RPS6KA2: variants seen among roughly 807,000 people sequenced by gnomAD.
RPS6KA2 encodes ribosomal protein S6 kinase alpha-2.
In RPS6KA2, 42 loss-of-function variants were observed where a neutral mutation model predicts 91.8. The observed-to-expected ratio is 0.46, with a 90% CI of 0.36 to 0.59. The LOEUF (loss-of-function observed/expected upper bound fraction) is 0.59, where lower values mean the gene tolerates loss of function less well. Among genes scored for constraint, RPS6KA2 ranks in the 20% least tolerant of loss-of-function variants. The pLI is 0.00. For missense variants in RPS6KA2, 798 were observed against 978.5 expected (o/e 0.82, Z 2.46); for synonymous variants, 414 against 393.6 (o/e 1.05, Z -0.61).
Position 166,430,526 on chromosome 6 carries a change from T to C in RPS6KA2, c.1508A>G (p.Tyr503Cys), listed in dbSNP as rs370742632. The part of the protein sequence containing the change: ...ELLDRILRQR[Y>C]FSEREASDVL... ...GTCACTGGCTTCGCGCTCCGAGAAG[T>C]ATCTCTGCCGGAGGATGCGGTCCAG... Residue 503 changes from tyrosine to cysteine, a missense_variant, in exon 16 of 21, where the codon TAC becomes TGC. By Grantham distance (194) the Tyr-to-Cys change is radical. Coordinates refer to ENST00000265678, the MANE Select transcript of RPS6KA2 (RefSeq NM_021135.6). 424 of 1,613,806 alleles carry C rather than the reference T, an allele frequency of 2.6e-4. No individual in the cohort carries two copies. The highest frequency in any genetic ancestry group is 3.4e-4 in the Non-Finnish European group (405 of 1,179,962).
At chr6:166,775,036 G>A (rs993755481) in intron 2 of RPS6KA2, among the ~76,000 whole-genome samples, 1 of 152,068 alleles carries the variant, frequency 6.6e-6, no homozygotes, top group Non-Finnish European at 1.5e-5. Flanking sequence ...CTGCACCTGC[G>A]CTCAGCATCA....
Position 166,499,297 on chromosome 6 carries a change from G to A in RPS6KA2, c.605-647C>T, listed in dbSNP as rs369504674. ...CCCCAAGTCTTGGGGATGACAGAGC[G>A]TGGCTAAATAGAGCCAAGGCAGGCC... On this transcript the variant is annotated intron_variant, in intron 7 of 20. Transcript: ENST00000265678. Among the ~76,000 whole-genome samples the A allele has an allele frequency of 9.1e-4, 139 of 152,364 alleles. 3 individuals are homozygous for A. Among genetic ancestry groups the A allele is most frequent in the Admixed American group, 1.4e-3 (22 of 15,306 alleles).
intron 1 of RPS6KA2, among the ~76,000 whole-genome samples, chr6:166,619,246 T>C (rs573636429): frequency 6.6e-6 from 1 of 152,348 alleles, no homozygotes; most frequent in Non-Finnish European, 1.5e-5. Context: ...TTCTCTGGAA[T>C]GAAGGCAGTC....
chr6:166,630,889 G>A (rs1787053524), upstream of RPS6KA2, among the ~76,000 whole-genome samples: 1 of 152,338 alleles, frequency 6.6e-6, no homozygotes, highest in South Asian at 2.1e-4. Context: ...AAAGTCCTGA[G>A]ACCCTAGAAG....
At chr6:166,777,652 A>G (rs1392002167) in intron 2 of RPS6KA2, among the ~76,000 whole-genome samples, 2 of 152,258 alleles carry the variant, frequency 1.3e-5, no homozygotes, top group South Asian at 2.1e-4. Context: ...CAAGTTGGAA[A>G]GAATAAATTA....
At chr6:166,743,322 C>T (rs943496770) in intron 2 of RPS6KA2, among the ~76,000 whole-genome samples, 29 of 152,346 alleles carry the variant, frequency 1.9e-4, no homozygotes, top group African/African-American at 6.3e-4. Flanking sequence ...TGGTGCCATT[C>T]CCCCAGGAAG....
At chr6:166,798,808 C>T (rs769078960) in intron 2 of RPS6KA2, among the ~76,000 whole-genome samples, 1 of 152,198 alleles carries the variant, frequency 6.6e-6, no homozygotes, top group Non-Finnish European at 1.5e-5. Context: ...GACCTCGCAC[C>T]CATCCCAAAC....
At chr6:166,658,411 C>G (rs184702199) in intron 2 of RPS6KA2, among the ~76,000 whole-genome samples, 1 of 152,196 alleles carries the variant, frequency 6.6e-6, no homozygotes, top group South Asian at 2.1e-4. Flanking sequence ...AGCTGGTCGC[C>G]GTGTCACTCA....
rs1252098878 is a variant in RPS6KA2, at chr6:166,423,364, C to T, written c.1635G>A (p.Gly545=). Reference sequence around the variant, plus strand: ...CGCAGACTCGGATGGATTCTGGGCTCCCCGACTCATCCCTGTACAGGATGT... The same window carrying T: ...CGCAGACTCGGATGGATTCTGGGCTTCCCGACTCATCCCTGTACAGGATGT... ...PSNILYRDES[G]SPESIRVCDF... Residue 545 remains glycine (G), a synonymous_variant, in exon 17 of 21, where the codon GGG becomes GGA. Transcript: ENST00000265678. The surrounding 1 kb of genome is among the most constrained non-coding windows in gnomAD (Gnocchi z 4.8). 2 of 1,614,180 alleles carry T rather than the reference C, an allele frequency of 1.2e-6. No individual in the cohort carries two copies. The highest frequency in any genetic ancestry group is 4.5e-5 in the East Asian group (2 of 44,888).
chr6:166,753,856 TACAAGA>T (rs1237665996), intron 2 of RPS6KA2, among the ~76,000 whole-genome samples: 2 of 152,216 alleles, frequency 1.3e-5, no homozygotes, highest in East Asian at 3.8e-4. Flanking sequence ...TGGGATCCTC[TACAAGA>T]AGATGCCCAC....
chr6:166,429,481 T>C (rs1274025781), intron 16 of RPS6KA2, among the ~76,000 whole-genome samples: 1 of 152,224 alleles, frequency 6.6e-6, no homozygotes, highest in Non-Finnish European at 1.5e-5. Context: ...GACAGAGTTT[T>C]GCTCTGTCGC....
intron 1 of RPS6KA2, among the ~76,000 whole-genome samples, chr6:166,605,652 A>C (rs540430703): frequency 6.6e-6 from 1 of 152,370 alleles, no homozygotes; most frequent in Admixed American, 6.5e-5. Flanking sequence ...TTAATGTGAA[A>C]GGGCCACGTG....
intron 2 of RPS6KA2, among the ~76,000 whole-genome samples, chr6:166,838,736 G>T (rs983408891): frequency 6.7e-6 from 1 of 150,318 alleles, no homozygotes; most frequent in Non-Finnish European, 1.5e-5. Context: ...TGGAGGACTC[G>T]GAATCTTGGC....
intron 1 of RPS6KA2, among the ~76,000 whole-genome samples, chr6:166,598,433 G>A (rs1785617524): frequency 1.3e-5 from 2 of 152,170 alleles, no homozygotes; most frequent in Non-Finnish European, 2.9e-5. Context: ...AATTAAGACT[G>A]GATTCTCTAC....
chr6:166,545,858 G>T (rs1041451349), intron 1 of RPS6KA2, among the ~76,000 whole-genome samples: 1 of 152,148 alleles, frequency 6.6e-6, no homozygotes, highest in Non-Finnish European at 1.5e-5. Context: ...CAGATGGAGC[G>T]CCGCCACTTT....
At chr6:166,446,921 C>T (rs1471674001) in intron 14 of RPS6KA2, among the ~76,000 whole-genome samples, 5 of 151,310 alleles carry the variant, frequency 3.3e-5, no homozygotes, top group African/African-American at 4.9e-5. Flanking sequence ...TGTAGGCTTA[C>T]GAAGCACATG....
At chr6:166,702,666 T>C (rs1488071502) in intron 2 of RPS6KA2, 4 of 1,531,478 alleles carry the variant, frequency 2.6e-6, no homozygotes, top group Non-Finnish European at 3.6e-6. Flanking sequence ...CTATTTTACC[T>C]GAAAGCGCCT....
intron 11 of RPS6KA2, among the ~76,000 whole-genome samples, chr6:166,469,222 C>T (rs1780659468): frequency 6.6e-6 from 1 of 152,098 alleles, no homozygotes; most frequent in Non-Finnish European, 1.5e-5. Context: ...GATACGAGAA[C>T]TTCTCAGACA....
In RPS6KA2 at chr6:166,748,318, G is replaced by A. The variant is rs569154465; in HGVS notation, c.123+109882C>T. Reference sequence around the variant, plus strand: ...CCAGCGCCACCACCTCCCCAGGCAGGAGAAACAGCTAAATCCTGAAAACTA... The same window carrying A: ...CCAGCGCCACCACCTCCCCAGGCAGAAGAAACAGCTAAATCCTGAAAACTA... On this transcript the variant is annotated intron_variant, in intron 2 of 21. Transcript: ENST00000503859. Among the ~76,000 whole-genome samples the A allele has an allele frequency of 2.1e-4, 32 of 152,080 alleles. No individual in the cohort carries two copies. The South Asian group carries it at 6.4e-3, about 31-fold the overall frequency.
Sources: gnomAD v4.1 joint callset for allele counts (sites outside exome capture counted in the v4.1 genomes callset) on GRCh38, gnomAD v4.1.1 for gene constraint, Gnocchi (gnomAD v3.1) non-coding constraint, MANE v1.5 for transcripts, NCBI Gene and HGNC (gene_info 2026-07-23, HGNC 2026-07-21) for gene names.